Variants in SHISA6 observed in about 807,000 individuals in gnomAD.
The protein encoded by SHISA6 is protein shisa-6.
In SHISA6, 22 loss-of-function variants were observed where a neutral mutation model predicts 47.9. The ratio of observed to expected loss-of-function variants is 0.46; its 90% CI spans 0.33 to 0.66. SHISA6 has a LOEUF of 0.66. Ranked by LOEUF, SHISA6 falls within the 30% of genes least tolerant of loss-of-function variation. The pLI is 0.02. For missense variants in SHISA6, 680 were observed against 764.6 expected (o/e 0.89, Z 1.30); for synonymous variants, 388 against 337.8 (o/e 1.15, Z -1.63).
At chr17:11,298,830 C>G (rs773901192) in intron 2 of SHISA6, among the ~76,000 whole-genome samples, 14 of 152,162 alleles carry the variant, frequency 9.2e-5, no homozygotes, top group Non-Finnish European at 2.1e-4. Context: ...GGAGGCAGAC[C>G]TCATCGCTGG....
intron 1 of SHISA6, among the ~76,000 whole-genome samples, chr17:11,260,027 G>A (rs1908167296): frequency 6.6e-6 from 1 of 152,202 alleles, no homozygotes; most frequent in Non-Finnish European, 1.5e-5. Flanking sequence ...GACAGGGCAG[G>A]TGAATGCATC....
intron 2 of SHISA6, among the ~76,000 whole-genome samples, chr17:11,277,449 A>T (rs151041681): frequency 6.6e-5 from 10 of 152,238 alleles, no homozygotes; most frequent in African/African-American, 2.4e-4. Context: ...GAGTACAGGG[A>T]TATGTCTGCT....
At chr17:11,344,823 A>G (rs1299981165) in intron 2 of SHISA6, among the ~76,000 whole-genome samples, 1 of 152,170 alleles carries the variant, frequency 6.6e-6, no homozygotes, top group African/African-American at 2.4e-5. Context: ...GAAAATATAT[A>G]ATAAATTATT....
intron 3 of SHISA6, among the ~76,000 whole-genome samples, chr17:11,398,323 G>A (rs1432858402): frequency 6.6e-6 from 1 of 152,182 alleles, no homozygotes; most frequent in Non-Finnish European, 1.5e-5. Context: ...TGATGGTGAT[G>A]ATGATGATGA....
At chr17:11,396,406 G>C (rs1415360748) in intron 3 of SHISA6, among the ~76,000 whole-genome samples, 1 of 152,122 alleles carries the variant, frequency 6.6e-6, no homozygotes, top group Non-Finnish European at 1.5e-5. Flanking sequence ...AATTAGGGTT[G>C]GTTCCAAGTC....
chr17:11,295,716 C>A (rs1909728081), intron 2 of SHISA6, among the ~76,000 whole-genome samples: 2 of 152,090 alleles, frequency 1.3e-5, no homozygotes, highest in African/African-American at 4.8e-5. Context: ...GTAATCCCAG[C>A]ACTTTGGGAG....
intron 2 of SHISA6, among the ~76,000 whole-genome samples, chr17:11,298,191 T>C (rs1909813263): frequency 6.6e-6 from 1 of 152,232 alleles, no homozygotes; most frequent in African/African-American, 2.4e-5. Flanking sequence ...GTGGTAGAGC[T>C]TGGACTTGAA....
Position 11,394,297 on chromosome 17 carries a change from T to G in SHISA6, c.895+14788T>G, listed in dbSNP as rs551515639. The stretch of plus-strand genomic sequence containing the variant: ...GGTAAATGTAGTATTAGAAAATTGC[T>G]TCATCTTTCTGAGTCTGCACCTCCG... On this transcript the variant is annotated intron_variant, in intron 3 of 5. Transcript: ENST00000441885. 2.0e-5 allele frequency among the ~76,000 whole-genome samples: 3 copies of G among 152,286 alleles called. No individual in the cohort carries two copies. The East Asian group carries it at 5.8e-4, about 29-fold the overall frequency.
intron 2 of SHISA6, among the ~76,000 whole-genome samples, chr17:11,359,200 GT>G (rs1912182219): frequency 6.6e-6 from 1 of 152,080 alleles, no homozygotes. Context: ...TTGCTGTCAT[GT>G]TTAAGCATGT....
At chr17:11,359,209 T>C (rs1912182676) in intron 2 of SHISA6, among the ~76,000 whole-genome samples, 1 of 152,244 alleles carries the variant, frequency 6.6e-6, no homozygotes, top group Admixed American at 6.5e-5. Flanking sequence ...TGTTTAAGCA[T>C]GTCTTGCTCA....
chr17:11,493,725 A>G (rs569819477), intron 3 of SHISA6, among the ~76,000 whole-genome samples: 1 of 152,312 alleles, frequency 6.6e-6, no homozygotes, highest in South Asian at 2.1e-4. Context: ...CAGCCTCAGC[A>G]ACCTCAGAGC....
At chr17:11,518,708 T>C (rs1004769355) in intron 3 of SHISA6, among the ~76,000 whole-genome samples, 10 of 152,136 alleles carry the variant, frequency 6.6e-5, no homozygotes, top group Non-Finnish European at 1.0e-4. Flanking sequence ...CCAAGACCAA[T>C]TGAATCACTA....
intron 1 of SHISA6, among the ~76,000 whole-genome samples, chr17:11,252,154 C>G (rs771772246): frequency 6.6e-6 from 1 of 152,196 alleles, no homozygotes; most frequent in African/African-American, 2.4e-5. Flanking sequence ...GTCCCTCTCT[C>G]CAGACCCACG....
chr17:11,241,643 G>GGGGGCAGCCCGCGGC lies in SHISA6; in HGVS notation c.224_238dup (p.Gly75_Ala79dup). 1 of 1,382,316 alleles carries GGGGGCAGCCCGCGGC rather than the reference G, an allele frequency of 7.2e-7. No homozygotes were observed. Among genetic ancestry groups the GGGGGCAGCCCGCGGC allele is most frequent in the Non-Finnish European group, 9.3e-7 (1 of 1,078,376 alleles). The allele number at this position is 1,382,316 out of a possible 1,614,324, so 85.6% of individuals were successfully genotyped here. A position where few individuals can be genotyped will look rare whatever the true frequency, so the allele number is the denominator to read the frequency against. On this transcript the variant is annotated inframe_insertion, in exon 1 of 6. Transcript: ENST00000441885. This position sits in a 1 kb window ranked among gnomAD's most constrained non-coding sequence, Gnocchi z 5.5. ...GGAATCCCGGAGGCGGGAAGCCGGC[G>GGGGGCAGCCCGCGGC]GGGGCAGCCCGCGGCGGCTGTGGCG...
chr17:11,483,404 C>T (rs1916269954), intron 3 of SHISA6, among the ~76,000 whole-genome samples: 1 of 151,960 alleles, frequency 6.6e-6, no homozygotes, highest in Admixed American at 6.6e-5. Context: ...GGGTCTAACT[C>T]CTACATTAAA....
chr17:11,509,652 A>G (rs938226486), intron 3 of SHISA6, among the ~76,000 whole-genome samples: 6 of 152,216 alleles, frequency 3.9e-5, no homozygotes, highest in African/African-American at 7.2e-5. Context: ...TGAGTTGCCT[A>G]TAAGACAGAC....
At chr17:11,444,684 C>T (rs977076373) in intron 3 of SHISA6, among the ~76,000 whole-genome samples, 2 of 152,184 alleles carry the variant, frequency 1.3e-5, no homozygotes, top group African/African-American at 2.4e-5. Context: ...CTCAAATAGG[C>T]CACTCCCTGA....
At chr17:11,459,034 AC>A (rs1915627555) in intron 3 of SHISA6, among the ~76,000 whole-genome samples, 1 of 147,176 alleles carries the variant, frequency 6.8e-6, no homozygotes, top group South Asian at 2.2e-4. Flanking sequence ...ACACGGTGAA[AC>A]CCCGTCTCTA....
chr17:11,361,404 G>A (rs915625556), intron 2 of SHISA6, among the ~76,000 whole-genome samples: 1 of 152,082 alleles, frequency 6.6e-6, no homozygotes, highest in African/African-American at 2.4e-5. Context: ...AGGGCATCGT[G>A]GAACCTAGGA....
Sources: allele counts gnomAD v4.1 joint callset (sites outside exome capture counted in the v4.1 genomes callset), GRCh38; gene constraint gnomAD v4.1.1; non-coding constraint Gnocchi (gnomAD v3.1); transcripts MANE v1.5; gene names NCBI Gene and HGNC (gene_info 2026-07-23, HGNC 2026-07-21).